Variants in RORA observed in about 807,000 individuals in gnomAD.
RORA encodes the protein RAR related orphan receptor A, also known as nuclear receptor ROR-alpha.
Under a neutral mutation model 69.5 loss-of-function variants are expected in RORA, and 7 were observed. The observed-to-expected ratio is 0.10, with a 90% CI of 0.06 to 0.19. The LOEUF (loss-of-function observed/expected upper bound fraction) is 0.19, where lower values mean the gene tolerates loss of function less well. Ranked by LOEUF, RORA falls within the 10% of genes least tolerant of loss-of-function variation. The probability of loss-of-function intolerance (pLI) is 1.00; values close to 1 mark genes in which losing one functional copy is unlikely to be tolerated. For synonymous variants in RORA, 261 were observed against 240.8 expected, an observed-to-expected ratio of 1.08 and a Z score of -0.78; for missense variants, 457 against 663.0, an observed-to-expected ratio of 0.69 and a Z score of 3.41.
intron 3 of RORA, among the ~76,000 whole-genome samples, chr15:60,527,298 G>A (rs566385234): frequency 6.6e-6 from 1 of 152,378 alleles, no homozygotes; most frequent in South Asian, 2.1e-4. Context: ...AGCAGCCACT[G>A]TATCTCATGA....
chr15:60,609,857 T>C (rs1472640160), intron 2 of RORA, among the ~76,000 whole-genome samples: 1 of 152,026 alleles, frequency 6.6e-6, no homozygotes, highest in Non-Finnish European at 1.5e-5. Flanking sequence ...CTCTGTCGAA[T>C]GAATAGATAA....
intron 1 of RORA, among the ~76,000 whole-genome samples, chr15:60,989,875 A>G (rs1894319417): frequency 6.6e-6 from 1 of 152,090 alleles, no homozygotes; most frequent in African/African-American, 2.4e-5. Flanking sequence ...AGTCCAGACC[A>G]CTCCAAAACC....
rs561910291 is a variant in RORA, at chr15:60,785,258, C to CT, written c.167-106573dup. On this transcript the variant is annotated intron_variant, in intron 1 of 10. Transcript: ENST00000335670. ...CATCAGTGAGCATCTTTCTAACAGGCTTGATCCATGCCCTCAGATGGTCTA... is the reference window on the plus strand; with the variant it reads ...CATCAGTGAGCATCTTTCTAACAGGCTTTGATCCATGCCCTCAGATGGTCTA... 2.0e-3 allele frequency among the ~76,000 whole-genome samples: 302 copies of CT among 152,320 alleles called. 2 individuals carry two copies. The highest frequency in any genetic ancestry group is 0.011 in the South Asian group (55 of 4,828).
At chr15:60,820,608 A>G (rs2072881286) in intron 1 of RORA, among the ~76,000 whole-genome samples, 1 of 151,220 alleles carries the variant, frequency 6.6e-6, no homozygotes, top group Non-Finnish European at 1.5e-5. Context: ...CTCTTGGCCT[A>G]TAGCTTTCAC....
intron 1 of RORA, among the ~76,000 whole-genome samples, chr15:60,966,622 T>G (rs141094476): frequency 6.6e-6 from 1 of 152,232 alleles, no homozygotes; most frequent in African/African-American, 2.4e-5. Context: ...TACATCCCTC[T>G]GACCTTCCAG....
intron 3 of RORA, chr15:60,529,255 A>ACTAT (rs2066457312): frequency 6.6e-6 from 1 of 152,224 alleles, no homozygotes; most frequent in African/African-American, 2.4e-5. Context: ...GTTTAATTAC[A>ACTAT]CTATCTCAGC....
intron 1 of RORA, among the ~76,000 whole-genome samples, chr15:61,184,019 C>A (rs1348878398): frequency 6.6e-6 from 1 of 152,176 alleles, no homozygotes; most frequent in African/African-American, 2.4e-5. Context: ...GAGGGCTGAA[C>A]TGACACAGAG....
chr15:60,556,269 G>A (rs2067356744), intron 2 of RORA, among the ~76,000 whole-genome samples: 1 of 152,118 alleles, frequency 6.6e-6, no homozygotes, highest in Non-Finnish European at 1.5e-5. Flanking sequence ...TGGACAAGGG[G>A]ATCTGTGTTC....
chr15:60,882,636 TACACACACACACACACAC>T (rs67057464), intron 1 of RORA, among the ~76,000 whole-genome samples: 1 of 147,494 alleles, frequency 6.8e-6, no homozygotes, highest in African/African-American at 2.5e-5. Context: ...GGAGCTTAAC[TACACACACACACACACAC>T]ACACACACAC....
intron 2 of RORA, among the ~76,000 whole-genome samples, chr15:60,566,684 C>T (rs886826154): frequency 3.3e-5 from 5 of 152,018 alleles, no homozygotes; most frequent in African/African-American, 4.8e-5. Flanking sequence ...TTAGGGAATT[C>T]GGGAAGATTA....
chr15:61,042,394 C>T (rs1467821082), intron 1 of RORA, among the ~76,000 whole-genome samples: 1 of 151,948 alleles, frequency 6.6e-6, no homozygotes, highest in Non-Finnish European at 1.5e-5. Flanking sequence ...CACACACACA[C>T]ATACACACAA....
chr15:60,675,196 G>C (rs1407883324), intron 2 of RORA, among the ~76,000 whole-genome samples: 2 of 152,122 alleles, frequency 1.3e-5, no homozygotes, highest in Non-Finnish European at 2.9e-5. Context: ...GTTGTCCTTG[G>C]CAAATAATAA....
intron 1 of RORA, among the ~76,000 whole-genome samples, chr15:61,086,592 T>C (rs1211337912): frequency 6.6e-6 from 1 of 152,132 alleles, no homozygotes; most frequent in Non-Finnish European, 1.5e-5. Context: ...AGTCAAAATT[T>C]TACTCTTTAA....
chr15:60,926,280 C>A (rs1288474490), intron 1 of RORA, among the ~76,000 whole-genome samples: 1 of 152,202 alleles, frequency 6.6e-6, no homozygotes, highest in African/African-American at 2.4e-5. Context: ...TGGAAGGCAC[C>A]TGCAGCAGAA....
At chr15:61,194,298 GC>G (rs1323622813) in intron 1 of RORA, among the ~76,000 whole-genome samples, 1 of 152,166 alleles carries the variant, frequency 6.6e-6, no homozygotes, top group African/African-American at 2.4e-5. Flanking sequence ...GGTGGCTCAT[GC>G]CTGTAATCCC....
chr15:60,655,867 G>A (rs1310658437), intron 2 of RORA, among the ~76,000 whole-genome samples: 1 of 152,148 alleles, frequency 6.6e-6, no homozygotes, highest in Non-Finnish European at 1.5e-5. Context: ...TTCAGTATTT[G>A]TAAGCCTTTT....
At chr15:60,782,367 T>A (rs192847156) in intron 1 of RORA, among the ~76,000 whole-genome samples, 1 of 152,326 alleles carries the variant, frequency 6.6e-6, no homozygotes, top group East Asian at 1.9e-4. Context: ...GCTTTGAAAG[T>A]GTTAAAGTAC....
intron 1 of RORA, among the ~76,000 whole-genome samples, chr15:60,919,107 G>C (rs979698289): frequency 2.0e-5 from 3 of 152,076 alleles, no homozygotes; most frequent in Non-Finnish European, 4.4e-5. Context: ...TACAAAACTG[G>C]TCTCCAGACT....
At chr15:60,638,386 C>CTTTT (rs375782514) in intron 2 of RORA, among the ~76,000 whole-genome samples, 15 of 117,914 alleles carry the variant, frequency 1.3e-4, no homozygotes, top group African/African-American at 4.7e-4. Context: ...ATTTTCTTTT[C>CTTTT]TTTTTTTTTT....
Sources: allele counts gnomAD v4.1 joint callset (sites outside exome capture counted in the v4.1 genomes callset), GRCh38; gene constraint gnomAD v4.1.1; transcripts MANE v1.5; gene names NCBI Gene and HGNC (gene_info 2026-07-23, HGNC 2026-07-21).